The following PTPRD variants were observed in gnomAD, a reference collection of about 807,000 sequenced individuals.
PTPRD encodes protein tyrosine phosphatase receptor type D, also known as receptor-type tyrosine-protein phosphatase delta.
PTPRD carries 34 observed loss-of-function variants against 214.5 expected under a neutral mutation model. The observed-to-expected ratio is 0.16, with a 90% CI of 0.12 to 0.21. The LOEUF is 0.21. Among genes scored for constraint, PTPRD ranks in the 10% least tolerant of loss-of-function variants. PTPRD has a pLI of 1.00. For synonymous variants in PTPRD, 1,128 were observed against 845.7 expected (o/e 1.33, Z -5.79); for missense variants, 2,545 against 2,398.7 (o/e 1.06, Z -1.27).
chr9:10,511,915 C>T (rs1345385108), intron 2 of PTPRD, among the ~76,000 whole-genome samples: 27 of 65,778 alleles, frequency 4.1e-4, no homozygotes, highest in East Asian at 1.2e-3. Flanking sequence ...TATATATATA[C>T]GTGTATATAT....
intron 5 of PTPRD, among the ~76,000 whole-genome samples, chr9:9,899,227 G>A (rs2075796467): frequency 6.6e-6 from 1 of 151,924 alleles, no homozygotes; most frequent in Non-Finnish European, 1.5e-5. Context: ...ACAGATGAAA[G>A]AACTCATAGA....
At chr9:9,061,506 T>G (rs2099707328) in intron 10 of PTPRD, among the ~76,000 whole-genome samples, 1 of 152,144 alleles carries the variant, frequency 6.6e-6, no homozygotes, top group African/African-American at 2.4e-5. Context: ...CTTCCTCCTT[T>G]TCTCTTTGCC....
intron 10 of PTPRD, among the ~76,000 whole-genome samples, chr9:9,022,360 A>G (rs1231133122): frequency 6.6e-6 from 1 of 152,084 alleles, no homozygotes; most frequent in Non-Finnish European, 1.5e-5. Flanking sequence ...TGAAAGCTCC[A>G]TTCATTGTAA....
chr9:8,664,697 T>A (rs2097135914), intron 12 of PTPRD, among the ~76,000 whole-genome samples: 1 of 152,226 alleles, frequency 6.6e-6, no homozygotes, highest in Admixed American at 6.5e-5. Flanking sequence ...ATGACTCACA[T>A]TGTATATATC....
At chr9:9,798,936 G>C (rs993238533) in intron 5 of PTPRD, among the ~76,000 whole-genome samples, 5 of 152,054 alleles carry the variant, frequency 3.3e-5, no homozygotes, top group African/African-American at 1.2e-4. Flanking sequence ...TTCTTTTAAT[G>C]TTTTTAAAAA....
At chr9:9,903,762 T>TTTTCACTGGATCATCTTAACTC (rs1483836752) in intron 5 of PTPRD, among the ~76,000 whole-genome samples, 1 of 152,064 alleles carries the variant, frequency 6.6e-6, no homozygotes, top group East Asian at 1.9e-4. Context: ...TACTTGAAGT[T>TTTTCACTGGATCATCTTAACTC]TTTCACTGGA....
At chr9:10,179,421 T>C (rs2099268848) in intron 3 of PTPRD, among the ~76,000 whole-genome samples, 1 of 152,024 alleles carries the variant, frequency 6.6e-6, no homozygotes, top group South Asian at 2.1e-4. Flanking sequence ...ATAAAGAAGT[T>C]AGTAAATTTA....
intron 9 of PTPRD, among the ~76,000 whole-genome samples, chr9:9,370,464 A>C (rs377237800): frequency 1.3e-5 from 2 of 150,498 alleles, no homozygotes; most frequent in South Asian, 4.2e-4. Context: ...TTGATTTTGT[A>C]TGCTGAGACT....
intron 11 of PTPRD, among the ~76,000 whole-genome samples, chr9:8,941,755 T>C (rs2099035163): frequency 6.6e-6 from 1 of 152,098 alleles, no homozygotes; most frequent in Non-Finnish European, 1.5e-5. Flanking sequence ...CAAGGGCTTT[T>C]AAGTAGTTGG....
chr9:10,347,859 A>T (rs1597709657), intron 2 of PTPRD, among the ~76,000 whole-genome samples: 1 of 151,966 alleles, frequency 6.6e-6, no homozygotes, highest in Non-Finnish European at 1.5e-5. Context: ...GGAGTTTGAG[A>T]CCAGCCTGGC....
At chr9:8,443,673 G>C (rs1036935845) in intron 34 of PTPRD, among the ~76,000 whole-genome samples, 3 of 152,126 alleles carry the variant, frequency 2.0e-5, no homozygotes, top group Non-Finnish European at 4.4e-5. Flanking sequence ...GGTTTTGTTT[G>C]CAGGTATTTT....
At chr9:8,395,140 A>T in intron 36 of PTPRD, among the ~76,000 whole-genome samples, 1 of 152,162 alleles carries the variant, frequency 6.6e-6, no homozygotes, top group East Asian at 1.9e-4. Flanking sequence ...GGACTGTGTC[A>T]AAAAGAAATT....
At chr9:9,799,003 TCTTA>T (rs1435783753) in intron 5 of PTPRD, among the ~76,000 whole-genome samples, 1 of 152,180 alleles carries the variant, frequency 6.6e-6, no homozygotes, top group Non-Finnish European at 1.5e-5. Flanking sequence ...TAGATCCCCA[TCTTA>T]CTTATTAACG....
At chr9:8,876,121 T>C (rs1486100920) in intron 11 of PTPRD, among the ~76,000 whole-genome samples, 1 of 152,208 alleles carries the variant, frequency 6.6e-6, no homozygotes, top group Non-Finnish European at 1.5e-5. Context: ...ATTAAGATAA[T>C]AGAGCATAGA....
intron 10 of PTPRD, among the ~76,000 whole-genome samples, chr9:9,178,855 C>A (rs1051821630): frequency 6.6e-6 from 1 of 152,044 alleles, no homozygotes; most frequent in African/African-American, 2.4e-5. Flanking sequence ...CTTCTTCTGG[C>A]CATACAGTCT....
intron 10 of PTPRD, among the ~76,000 whole-genome samples, chr9:9,175,648 A>AAG (rs2099924357): frequency 1.4e-5 from 2 of 146,616 alleles, no homozygotes; most frequent in African/African-American, 2.5e-5. Flanking sequence ...AAAAAAAAAA[A>AAG]AAGAGTTTTA....
intron 3 of PTPRD, among the ~76,000 whole-genome samples, chr9:10,309,447 G>T (rs2096199454): frequency 6.6e-6 from 1 of 151,674 alleles, no homozygotes; most frequent in Non-Finnish European, 1.5e-5. Flanking sequence ...CCCCTTCCCG[G>T]GTTCAATCGA....
intron 14 of PTPRD, among the ~76,000 whole-genome samples, chr9:8,566,100 ATGTG>A (rs139478736): frequency 2.2e-3 from 298 of 137,916 alleles, no homozygotes; most frequent in East Asian, 7.3e-3. Context: ...AATGCAAAAT[ATGTG>A]TGTGTGTGTG....
intron 9 of PTPRD, among the ~76,000 whole-genome samples, chr9:9,250,510 A>T (rs2099975047): frequency 6.6e-6 from 1 of 152,098 alleles, no homozygotes; most frequent in African/African-American, 2.4e-5. Context: ...TTTAACAAAT[A>T]ACCCCAATGA....
Sources: gnomAD v4.1 joint callset for allele counts (sites outside exome capture counted in the v4.1 genomes callset) on GRCh38, gnomAD v4.1.1 for gene constraint, MANE v1.5 for transcripts, NCBI Gene and HGNC (gene_info 2026-07-23, HGNC 2026-07-21) for gene names.